Variants in EGLN3 observed in about 807,000 individuals in gnomAD.
EGLN3 encodes prolyl hydroxylase EGLN3.
In EGLN3, 15 loss-of-function variants were observed where a neutral mutation model predicts 26.0. The ratio of observed to expected loss-of-function variants is 0.58; its 90% CI spans 0.39 to 0.89. EGLN3 has a LOEUF of 0.89. Among genes scored for constraint, EGLN3 ranks in the 40% least tolerant of loss-of-function variants. The pLI is 0.00. For missense variants in EGLN3, 238 were observed against 311.6 expected (o/e 0.76, Z 1.78); for synonymous variants, 147 against 127.2 (o/e 1.16, Z -1.05).
At chr14:33,931,259 G>A (rs1566597394) in intron 1 of EGLN3, 44 bp from the exon 2 acceptor site, 2 of 1,613,020 alleles carry the variant, frequency 1.2e-6, no homozygotes, top group East Asian at 4.5e-5. Flanking sequence ...AGCTGAGACA[G>A]ACAATCTTCT....
intron 1 of EGLN3, among the ~76,000 whole-genome samples, chr14:33,947,592 G>GT (rs1350522411): frequency 2.0e-5 from 3 of 152,042 alleles, no homozygotes; most frequent in Non-Finnish European, 4.4e-5. Flanking sequence ...TGAAATTTGG[G>GT]TAAGTGCATG....
intron 1 of EGLN3, among the ~76,000 whole-genome samples, chr14:33,934,792 G>A (rs778249233): frequency 1.3e-5 from 2 of 152,138 alleles, no homozygotes; most frequent in African/African-American, 2.4e-5. Context: ...AGTATGACTC[G>A]ATCTTGAACA....
intron 1 of EGLN3, among the ~76,000 whole-genome samples, chr14:33,940,896 G>C (rs1339712371): frequency 2.0e-5 from 3 of 152,154 alleles, no homozygotes; most frequent in Admixed American, 1.3e-4. Flanking sequence ...TTGCTGTTTT[G>C]TGCTGGGCTC....
At chr14:33,928,820 T>C (rs1003544646) in intron 3 of EGLN3, among the ~76,000 whole-genome samples, 19 of 152,202 alleles carry the variant, frequency 1.2e-4, no homozygotes, top group African/African-American at 3.9e-4. Flanking sequence ...AGAAAAATAC[T>C]TTTGAGAAAT....
At chr14:33,947,610 A>G (rs1349092510) in intron 1 of EGLN3, among the ~76,000 whole-genome samples, 1 of 152,222 alleles carries the variant, frequency 6.6e-6, no homozygotes, top group Admixed American at 6.5e-5. Flanking sequence ...ATGAATAAGC[A>G]TAACCTCAAG....
At chr14:33,941,276 G>A (rs931262796) in intron 1 of EGLN3, among the ~76,000 whole-genome samples, 3 of 152,268 alleles carry the variant, frequency 2.0e-5, no homozygotes, top group African/African-American at 7.2e-5. Flanking sequence ...GCCAGGGGCT[G>A]AGCTAGGACC....
intron 1 of EGLN3, among the ~76,000 whole-genome samples, chr14:33,940,222 T>C (rs910969599): frequency 6.6e-6 from 1 of 152,168 alleles, no homozygotes; most frequent in Admixed American, 6.5e-5. Flanking sequence ...AGGGTCCACA[T>C]AGGCCTCAAA....
At chr14:33,932,112 T>C (rs1483727983) in intron 1 of EGLN3, among the ~76,000 whole-genome samples, 1 of 152,182 alleles carries the variant, frequency 6.6e-6, no homozygotes, top group Non-Finnish European at 1.5e-5. Flanking sequence ...AAAATATTTT[T>C]TATAGGGATG....
intron 3 of EGLN3, among the ~76,000 whole-genome samples, chr14:33,927,890 C>T (rs537560356): frequency 5.7e-4 from 87 of 152,222 alleles, no homozygotes; most frequent in African/African-American, 2.0e-3. Flanking sequence ...CTACTGCATC[C>T]CCACTAATTT....
At chr14:33,928,046 C>G (rs891054453) in intron 3 of EGLN3, among the ~76,000 whole-genome samples, 17 of 151,954 alleles carry the variant, frequency 1.1e-4, no homozygotes, top group Admixed American at 8.5e-4. Context: ...GACTTCTCAT[C>G]AACATTTGCT....
intron 1 of EGLN3, among the ~76,000 whole-genome samples, chr14:33,946,115 C>T (rs2064516088): frequency 6.6e-6 from 1 of 152,188 alleles, no homozygotes; most frequent in Non-Finnish European, 1.5e-5. Flanking sequence ...TGGCTCACAC[C>T]TGTAATCCCA....
intron 1 of EGLN3, among the ~76,000 whole-genome samples, chr14:33,947,773 C>A (rs1012892248): frequency 2.6e-5 from 4 of 152,110 alleles, no homozygotes; most frequent in African/African-American, 9.7e-5. Context: ...ATTTAAGGGC[C>A]GGGCACAGTG....
chr14:33,929,029 G>T (rs746945800), intron 3 of EGLN3, 47 bp downstream of exon 3: 10 of 1,604,902 alleles, frequency 6.2e-6, no homozygotes, highest in African/African-American at 1.3e-5. Context: ...TGGAACTAGG[G>T]TTTGTACACC....
intron 1 of EGLN3, 34 bp from the exon 2 acceptor site, chr14:33,931,249 A>C: frequency 1.2e-5 from 19 of 1,613,758 alleles, no homozygotes; most frequent in Non-Finnish European, 1.6e-5. Flanking sequence ...TGGTTAACAA[A>C]GCTGAGACAG....
chr14:33,929,123 C>T lies in EGLN3; in HGVS notation c.567G>A (p.Trp189Ter). The change falls in exon 3 of 5, where the codon TGG (tryptophan) becomes TGA (stop). Residue 189 changes from tryptophan (W) to a stop codon, truncating the protein, a stop_gained. Transcript: ENST00000250457. LOFTEE classifies it high-confidence loss of function. ...CTTCGTGTGGGTTCCTACGATCTGA[C>T]CAGAAGAACAGGAGTCTGTCAAAAA... ...EPIFDRLLFF[W>*]SDRRNPHEVQ... The T allele has an allele frequency of 1.9e-6, 3 of 1,614,124 alleles. No individual in the cohort carries two copies. The highest frequency in any genetic ancestry group is 2.5e-6 in the Non-Finnish European group (3 of 1,180,028).
At position 33,925,786 on chromosome 14, in the gene EGLN3, G is replaced by C. The variant is rs1218492754; in HGVS notation, c.*105C>G. The C allele has an allele frequency of 7.7e-7, 1 of 1,300,426 alleles. No homozygotes were observed. Among genetic ancestry groups the C allele is most frequent in the Non-Finnish European group, 1.1e-6 (1 of 901,184 alleles). The allele number at this position is 1,300,426 out of a possible 1,614,324, so 80.6% of individuals were successfully genotyped here. ...GATGTGAAGGATGCAAGAAGTAGCA[G>C]GGAGATTGTTGTCACTGAAGAGGCC... On this transcript the variant is annotated 3_prime_UTR_variant, in exon 5 of 5. Transcript: ENST00000250457.
At chr14:33,939,171 A>G (rs1432528521) in intron 1 of EGLN3, among the ~76,000 whole-genome samples, 2 of 152,204 alleles carry the variant, frequency 1.3e-5, no homozygotes, top group African/African-American at 4.8e-5. Flanking sequence ...CGAAGTTACC[A>G]ATCAAAATGT....
Position 33,924,941 on chromosome 14 carries a change from T to TAAAAAAAAAAAAAAAAAA in EGLN3, c.*932_*949dup, listed in dbSNP as rs35754061. ...GGGTGAGCTCATTAAAAAGGAAAAC[T>TAAAAAAAAAAAAAAAAAA]AAAAAAAAAAAAAAAAAAAAAACAG... On this transcript the variant is annotated 3_prime_UTR_variant, in exon 5 of 5. Transcript: ENST00000250457. The TAAAAAAAAAAAAAAAAAA allele has an allele frequency of 5.8e-5, 6 of 103,346 alleles. No individual in the cohort carries two copies. The highest frequency in any genetic ancestry group is 7.5e-5 in the African/African-American group (2 of 26,608). 6.4% of individuals were successfully genotyped at this position (103,346 alleles called of 1,614,324 possible).
At chr14:33,928,095 G>C (rs2064374997) in intron 3 of EGLN3, among the ~76,000 whole-genome samples, 1 of 151,988 alleles carries the variant, frequency 6.6e-6, no homozygotes, top group African/African-American at 2.4e-5. Context: ...TGAGATTGGG[G>C]AATAACCAAA....
Sources: allele counts gnomAD v4.1 joint callset (sites outside exome capture counted in the v4.1 genomes callset), GRCh38; gene constraint gnomAD v4.1.1; transcripts MANE v1.5; gene names NCBI Gene and HGNC (gene_info 2026-07-23, HGNC 2026-07-21).